Variants in HPSE2 observed in about 807,000 individuals in gnomAD.
HPSE2 encodes the protein heparanase 2 (inactive), also known as inactive heparanase-2.
In HPSE2, 38 loss-of-function variants were observed where a neutral mutation model predicts 60.5. The observed-to-expected ratio is 0.63, with a 90% CI of 0.48 to 0.82. The LOEUF is 0.82. Among genes scored for constraint, HPSE2 ranks in the 40% least tolerant of loss-of-function variants. The probability of loss-of-function intolerance (pLI) is 0.00; values close to 1 mark genes in which losing one functional copy is unlikely to be tolerated. For missense variants in HPSE2, 713 were observed against 740.4 expected, an observed-to-expected ratio of 0.96 and a Z score of 0.43; for synonymous variants, 295 against 293.2, an observed-to-expected ratio of 1.01 and a Z score of -0.06.
At chr10:98,742,244 G>A (rs952831398) in intron 4 of HPSE2, among the ~76,000 whole-genome samples, 2 of 152,118 alleles carry the variant, frequency 1.3e-5, no homozygotes, top group African/African-American at 4.8e-5. Flanking sequence ...AGGTAAAGAA[G>A]AGAGAAAAGC....
chr10:98,759,270 T>A (rs1012354471), intron 3 of HPSE2, among the ~76,000 whole-genome samples: 1 of 152,052 alleles, frequency 6.6e-6, no homozygotes, highest in African/African-American at 2.4e-5. Flanking sequence ...ATAATTTGTA[T>A]GCCAAATACT....
intron 3 of HPSE2, among the ~76,000 whole-genome samples, chr10:99,115,132 C>A (rs1564818786): frequency 6.7e-6 from 1 of 149,296 alleles, no homozygotes; most frequent in Non-Finnish European, 1.5e-5. Context: ...TATACACATG[C>A]ACCACCTCGC....
intron 2 of HPSE2, among the ~76,000 whole-genome samples, chr10:99,156,765 A>T (rs1160401690): frequency 7.9e-6 from 1 of 127,064 alleles, no homozygotes; most frequent in African/African-American, 2.6e-5. Context: ...ATTAGGCAGG[A>T]GAAGGAAATA....
intron 2 of HPSE2, among the ~76,000 whole-genome samples, chr10:99,216,786 T>C (rs1347149970): frequency 6.6e-6 from 1 of 152,200 alleles, no homozygotes; most frequent in Non-Finnish European, 1.5e-5. Context: ...AATGAACATG[T>C]AACTGTGAAA....
the HPSE2 span, among the ~76,000 whole-genome samples, chr10:99,278,216 G>C: frequency 3.3e-5 from 5 of 151,994 alleles, no homozygotes; most frequent in Admixed American, 2.6e-4. Flanking sequence ...AAAAAGTTTG[G>C]AAGATAGACA....
At position 99,157,837 on chromosome 10, in the gene HPSE2, T is replaced by G. The variant is rs1243353455; in HGVS notation, c.449-13438A>C. On this transcript the variant is annotated intron_variant, in intron 2 of 11. Transcript: ENST00000370552. ...GGCAACCTACAAAATGGGAGAAAAT[T>G]TTCGCAACCTACTCATCTGACAAAG... Among the ~76,000 whole-genome samples, 4 of 120,738 alleles carry G rather than the reference T, an allele frequency of 3.3e-5. No homozygotes were observed. In the East Asian group the frequency reaches 9.2e-4, roughly 28 times the overall value. 79.2% of individuals were successfully genotyped at this position (120,738 alleles called of 152,430 possible). A position where few individuals can be genotyped will look rare whatever the true frequency, so the allele number is the denominator to read the frequency against.
At chr10:98,952,950 A>G (rs1026057970) in intron 3 of HPSE2, among the ~76,000 whole-genome samples, 3 of 152,182 alleles carry the variant, frequency 2.0e-5, no homozygotes, top group Non-Finnish European at 4.4e-5. Context: ...ATACGAAATT[A>G]GGGAAGGTGG....
chr10:99,093,324 T>C (rs1843582936), intron 3 of HPSE2, among the ~76,000 whole-genome samples: 1 of 152,046 alleles, frequency 6.6e-6, no homozygotes, highest in Non-Finnish European at 1.5e-5. Context: ...AATTTTTGCA[T>C]GAGAATATTT....
In HPSE2 at chr10:98,848,866, T is replaced by TTGC. The variant is rs1373008734; in HGVS notation, c.611-104813_611-104811dup. 2.0e-5 allele frequency among the ~76,000 whole-genome samples: 3 copies of TTGC among 152,196 alleles called. No individual in the cohort carries two copies. In the East Asian group the frequency reaches 5.8e-4, roughly 29 times the overall value. On this transcript the variant is annotated intron_variant, in intron 3 of 11. Transcript: ENST00000370552. The stretch of plus-strand genomic sequence containing the variant: ...TCTGTGCTCCCTTCTGTCCTTACCC[T>TTGC]TGCTGCTTTCCCCTCTTTCTTTACT...
At chr10:98,981,270 C>T in intron 3 of HPSE2, among the ~76,000 whole-genome samples, 1 of 152,120 alleles carries the variant, frequency 6.6e-6, no homozygotes, top group Non-Finnish European at 1.5e-5. Flanking sequence ...CTCCATCTGC[C>T]TTATACCTAT....
At chr10:98,938,429 C>T (rs980394276) in intron 3 of HPSE2, among the ~76,000 whole-genome samples, 3 of 144,070 alleles carry the variant, frequency 2.1e-5, no homozygotes, top group African/African-American at 8.5e-5. Flanking sequence ...GGCTCGAGAA[C>T]TACGTGAAGA....
At chr10:99,152,816 T>C (rs890503367) in intron 2 of HPSE2, among the ~76,000 whole-genome samples, 7 of 152,298 alleles carry the variant, frequency 4.6e-5, no homozygotes, top group Admixed American at 2.6e-4. Context: ...AGACGGGTGA[T>C]TTCTGCATTT....
At chr10:98,805,735 T>C (rs1951027639) in intron 3 of HPSE2, among the ~76,000 whole-genome samples, 2 of 152,152 alleles carry the variant, frequency 1.3e-5, no homozygotes, top group Non-Finnish European at 2.9e-5. Flanking sequence ...TTTTACATCA[T>C]AGACAATGCG....
At chr10:98,938,879 C>T (rs1282426512) in intron 3 of HPSE2, among the ~76,000 whole-genome samples, 2 of 144,278 alleles carry the variant, frequency 1.4e-5, no homozygotes, top group Non-Finnish European at 3.0e-5. Flanking sequence ...AGACTAACAG[C>T]TGATCTCTTG....
intron 5 of HPSE2, among the ~76,000 whole-genome samples, chr10:98,719,022 T>G (rs1948857175): frequency 6.6e-6 from 1 of 152,208 alleles, no homozygotes; most frequent in Non-Finnish European, 1.5e-5. Flanking sequence ...TCAATAAAAT[T>G]TTTTAAAAAC....
At chr10:99,246,764 T>C in the HPSE2 span, among the ~76,000 whole-genome samples, 12 of 152,076 alleles carry the variant, frequency 7.9e-5, no homozygotes, top group African/African-American at 2.9e-4. Context: ...AAAAATCAAT[T>C]TGTATATATA....
At chr10:99,104,218 A>G (rs1477940038) in intron 3 of HPSE2, among the ~76,000 whole-genome samples, 1 of 152,126 alleles carries the variant, frequency 6.6e-6, no homozygotes, top group African/African-American at 2.4e-5. Flanking sequence ...TGGGAGAAAA[A>G]TTTTGCAATC....
At chr10:98,821,564 C>T (rs919249745) in intron 3 of HPSE2, among the ~76,000 whole-genome samples, 1 of 152,112 alleles carries the variant, frequency 6.6e-6, no homozygotes, top group Non-Finnish European at 1.5e-5. Flanking sequence ...GCTACTTCAG[C>T]CCAACAAGCA....
Position 98,928,981 on chromosome 10 carries a change from A to C in HPSE2, c.611-184925T>G, listed in dbSNP as rs1192286572. Reference sequence around the variant, plus strand: ...TGTGCACATGTACCCTAAAACTTAAAGTATAATAATAAATAAATAAATAAA... The same window carrying C: ...TGTGCACATGTACCCTAAAACTTAACGTATAATAATAAATAAATAAATAAA... On this transcript the variant is annotated intron_variant, in intron 3 of 11. Coordinates refer to ENST00000370552, the MANE Select transcript of HPSE2 (RefSeq NM_021828.5). Among the ~76,000 whole-genome samples, 5 of 101,564 alleles carry C rather than the reference A, an allele frequency of 4.9e-5. 2 individuals are homozygous for C. The East Asian group carries it at 1.4e-3, about 28-fold the overall frequency. The allele number at this position is 101,564 out of a possible 152,430, so 66.6% of individuals were successfully genotyped here. A position where few individuals can be genotyped will look rare whatever the true frequency, so the allele number is the denominator to read the frequency against.
Sources: allele counts gnomAD v4.1 joint callset (sites outside exome capture counted in the v4.1 genomes callset), GRCh38; gene constraint gnomAD v4.1.1; transcripts MANE v1.5; gene names NCBI Gene and HGNC (gene_info 2026-07-23, HGNC 2026-07-21).